The following RBFOX1 variants were observed in gnomAD, a reference collection of about 807,000 sequenced individuals.
The protein encoded by RBFOX1 is RNA binding protein fox-1 homolog 1.
RBFOX1 carries 8 observed loss-of-function variants against 57.7 expected under a neutral mutation model. The ratio of observed to expected loss-of-function variants is 0.14; its 90% CI spans 0.08 to 0.25. The LOEUF (loss-of-function observed/expected upper bound fraction) is 0.25. RBFOX1 is among the 10% of genes least tolerant of loss of function. RBFOX1 has a pLI of 1.00. For synonymous variants in RBFOX1, 326 were observed against 222.4 expected, an observed-to-expected ratio of 1.47 and a Z score of -4.15; for missense variants, 611 against 548.5, an observed-to-expected ratio of 1.11 and a Z score of -1.14.
chr16:6,899,040 G>T (rs745472539), intron 3 of RBFOX1, among the ~76,000 whole-genome samples: 1 of 151,454 alleles, frequency 6.6e-6, no homozygotes, highest in Non-Finnish European at 1.5e-5. Flanking sequence ...TATAATGTGT[G>T]TATGCATGTG....
chr16:7,697,457 G>T (rs931038778), intron 14 of RBFOX1, among the ~76,000 whole-genome samples: 3 of 152,126 alleles, frequency 2.0e-5, no homozygotes, highest in African/African-American at 7.2e-5. Context: ...TCTCCAAGGT[G>T]TAATAGTAAC....
At chr16:6,358,905 C>G (rs981783125) in intron 2 of RBFOX1, among the ~76,000 whole-genome samples, 16 of 152,106 alleles carry the variant, frequency 1.1e-4, no homozygotes, top group African/African-American at 3.6e-4. Flanking sequence ...ATATTGAGTT[C>G]GAAACATGAA....
chr16:5,668,667 C>T (rs2049924030), intron 3 of RBFOX1, among the ~76,000 whole-genome samples: 1 of 152,206 alleles, frequency 6.6e-6, no homozygotes, highest in Non-Finnish European at 1.5e-5. Context: ...GTTTCTTCCT[C>T]TCCTTTCCCC....
chr16:6,882,652 C>G (rs2063188116), intron 3 of RBFOX1, among the ~76,000 whole-genome samples: 1 of 152,112 alleles, frequency 6.6e-6, no homozygotes, highest in Admixed American at 6.6e-5. Flanking sequence ...AGTGCAGTGT[C>G]TAGCACTTGG....
chr16:5,653,548 G>A (rs1233441291), intron 3 of RBFOX1, among the ~76,000 whole-genome samples: 3 of 152,110 alleles, frequency 2.0e-5, no homozygotes, highest in African/African-American at 7.2e-5. Flanking sequence ...CAGAAGGTGG[G>A]GTGCTGAGCC....
At chr16:7,194,675 C>T (rs563191457) in intron 4 of RBFOX1, among the ~76,000 whole-genome samples, 3 of 152,214 alleles carry the variant, frequency 2.0e-5, no homozygotes, top group African/African-American at 4.8e-5. Context: ...TGTCTGTAAT[C>T]CCAGCAATTT....
chr16:5,316,890 G>A (rs913658590), intron 1 of RBFOX1, among the ~76,000 whole-genome samples: 2 of 152,102 alleles, frequency 1.3e-5, no homozygotes, highest in Admixed American at 6.6e-5. Flanking sequence ...CTTTATATGG[G>A]TGGGCAGAGT....
At chr16:6,842,816 C>G (rs969712540) in intron 3 of RBFOX1, among the ~76,000 whole-genome samples, 4 of 151,980 alleles carry the variant, frequency 2.6e-5, no homozygotes, top group African/African-American at 9.7e-5. Flanking sequence ...TGCTCTCCCT[C>G]CATGTTCCCC....
chr16:5,587,621 G>A (rs2046875292), intron 2 of RBFOX1, among the ~76,000 whole-genome samples: 1 of 152,200 alleles, frequency 6.6e-6, no homozygotes, highest in Admixed American at 6.5e-5. Flanking sequence ...GCTGAGGCAG[G>A]AGGATCACTA....
chr16:5,483,665 G>A (rs992544488), intron 2 of RBFOX1, among the ~76,000 whole-genome samples: 3 of 152,110 alleles, frequency 2.0e-5, no homozygotes, highest in Admixed American at 6.5e-5. Flanking sequence ...GCTGAAATTC[G>A]CCTTCTGATC....
At chr16:6,142,966 C>G (rs1379274669) in intron 1 of RBFOX1, among the ~76,000 whole-genome samples, 3 of 152,182 alleles carry the variant, frequency 2.0e-5, no homozygotes, top group African/African-American at 7.2e-5. Context: ...AGTTTTCATT[C>G]TAATTCCTTT....
intron 1 of RBFOX1, among the ~76,000 whole-genome samples, chr16:6,180,533 G>A (rs563775648): frequency 1.4e-5 from 2 of 147,808 alleles, no homozygotes; most frequent in Non-Finnish European, 3.0e-5. Flanking sequence ...GGTCATTCTC[G>A]TCTCTCTGTT....
intron 4 of RBFOX1, among the ~76,000 whole-genome samples, chr16:5,983,857 T>G (rs941775010): frequency 2.2e-5 from 3 of 135,874 alleles, no homozygotes; most frequent in Admixed American, 2.2e-4. Flanking sequence ...CTCCCTGCCT[T>G]CCTTCTTTCC....
At chr16:7,197,266 C>T (rs1405738160) in intron 4 of RBFOX1, among the ~76,000 whole-genome samples, 1 of 152,102 alleles carries the variant, frequency 6.6e-6, no homozygotes, top group Non-Finnish European at 1.5e-5. Context: ...AACTGTGGCT[C>T]TGAGCAGCTA....
chr16:5,831,119 G>C (rs1448683288), intron 3 of RBFOX1, among the ~76,000 whole-genome samples: 1 of 152,130 alleles, frequency 6.6e-6, no homozygotes, highest in Non-Finnish European at 1.5e-5. Flanking sequence ...ATTTGATGTG[G>C]TTTGGATCTG....
intron 3 of RBFOX1, among the ~76,000 whole-genome samples, chr16:6,821,565 C>G (rs553780936): frequency 1.3e-4 from 20 of 152,280 alleles, no homozygotes; most frequent in African/African-American, 4.6e-4. Context: ...TCTCTCCCCC[C>G]AACCGCTGGT....
chr16:7,519,614 A>G (rs2077092789), intron 5 of RBFOX1: 1 of 805,744 alleles, frequency 1.2e-6, no homozygotes, highest in Non-Finnish European at 1.5e-6. Flanking sequence ...CATGCATACC[A>G]CAAAACCTGT....
chr16:7,177,262 A>G (rs1025699282), intron 4 of RBFOX1, among the ~76,000 whole-genome samples: 2 of 152,182 alleles, frequency 1.3e-5, no homozygotes, highest in African/African-American at 4.8e-5. Flanking sequence ...TTGTCCATGG[A>G]TAAGACCAAG....
At chr16:6,261,881 C>G (rs544489724) in intron 1 of RBFOX1, among the ~76,000 whole-genome samples, 3 of 141,504 alleles carry the variant, frequency 2.1e-5, no homozygotes, top group African/African-American at 8.5e-5. Context: ...CAAAAAAAAC[C>G]TAGCTGGGCA....
Sources: gnomAD v4.1 joint callset for allele counts (sites outside exome capture counted in the v4.1 genomes callset) on GRCh38, gnomAD v4.1.1 for gene constraint, MANE v1.5 for transcripts, NCBI Gene and HGNC (gene_info 2026-07-23, HGNC 2026-07-21) for gene names.